The following ACSF2 variants were observed in gnomAD, a reference collection of about 807,000 sequenced individuals.
ACSF2 encodes the protein acyl-CoA synthetase family member 2.
Under a neutral mutation model 79.3 loss-of-function variants are expected in ACSF2, and 52 were observed. The ratio of observed to expected loss-of-function variants is 0.66; its 90% CI spans 0.53 to 0.83. The LOEUF (loss-of-function observed/expected upper bound fraction) is 0.83, where lower values mean the gene tolerates loss of function less well. ACSF2 is among the 40% of genes least tolerant of loss of function. The pLI is 0.00. For missense variants in ACSF2, 661 were observed against 803.3 expected, an observed-to-expected ratio of 0.82 and a Z score of 2.14; for synonymous variants, 283 against 312.6, an observed-to-expected ratio of 0.91 and a Z score of 1.00.
chr17:50,473,840 C>G, intron 13 of ACSF2, 34 bp downstream of exon 13: 1 of 1,613,420 alleles, frequency 6.2e-7, no homozygotes, highest in Non-Finnish European at 8.5e-7. Flanking sequence ...CCCCCAGAAA[C>G]AAGAAACACA....
intron 1 of ACSF2, among the ~76,000 whole-genome samples, chr17:50,449,350 C>T (rs2031512025): frequency 6.7e-6 from 1 of 149,438 alleles, no homozygotes; most frequent in Non-Finnish European, 1.5e-5. Flanking sequence ...GCTTCTTTCA[C>T]TTATAAATGT....
rs1290927346 is a variant in ACSF2, at chr17:50,463,807, C to T, written c.1047-11C>T. 1.9e-6 allele frequency: 3 copies of T among 1,613,212 alleles called. No individual in the cohort carries two copies. The highest frequency in any genetic ancestry group is 3.3e-5 in the Admixed American group (2 of 59,992). Reference sequence around the variant, plus strand: ...CTTCCAAGCCTAATTTCGAGACCTCCTCCTATACAGAGGCACCTTCCTGTA... The same window carrying T: ...CTTCCAAGCCTAATTTCGAGACCTCTTCCTATACAGAGGCACCTTCCTGTA... On this transcript the variant is annotated splice_polypyrimidine_tract_variant and intron_variant, in intron 8 of 15. Coordinates refer to ENST00000300441, the MANE Select transcript of ACSF2 (RefSeq NM_025149.6). This position sits in a 1 kb window ranked among gnomAD's most constrained non-coding sequence, Gnocchi z 4.6.
chr17:50,468,631 G>T, intron 10 of ACSF2: 1 of 1,614,252 alleles, frequency 6.2e-7, no homozygotes, highest in Non-Finnish European at 8.5e-7. Context: ...CCGGGAAGTT[G>T]TTGCGCTGTA....
chr17:50,462,621 GA>G, intron 6 of ACSF2, 36 bp downstream of exon 6: 1 of 1,602,044 alleles, frequency 6.2e-7, no homozygotes, highest in Non-Finnish European at 8.5e-7. Context: ...AGCCCAGATG[GA>G]CACATGCCCC....
chr17:50,465,687 T>C (rs373690628), intron 10 of ACSF2: 22 of 1,610,172 alleles, frequency 1.4e-5, no homozygotes, highest in Non-Finnish European at 1.8e-5. Flanking sequence ...GCTCTGGGAG[T>C]GACATGGAAG....
intron 1 of ACSF2, among the ~76,000 whole-genome samples, chr17:50,459,726 C>A (rs1307458353): frequency 6.6e-6 from 1 of 152,076 alleles, no homozygotes; most frequent in African/African-American, 2.4e-5. Flanking sequence ...TTACTACTCC[C>A]GTGACTGCCC....
rs182270758 is a variant in ACSF2 at position 50,426,316 on chromosome 17, G to T, written c.55G>T (p.Gly19Trp). The T allele has an allele frequency of 4.7e-3, 6,590 of 1,415,522 alleles. 222 individuals are homozygous for T. In the African/African-American group the frequency reaches 0.08, roughly 17 times the overall value. The allele number at this position is 1,415,522 out of a possible 1,614,324, so 87.7% of individuals were successfully genotyped here. Residue 19 changes from glycine to tryptophan, a missense_variant, in exon 1 of 16, where the codon GGG (glycine) becomes TGG (tryptophan). Transcript: ENST00000300441. ...GGGGAGGCTGTGCGCCGGGAGCTCG[G>T]GGGTGCTGGGGGCCCGGGCCGCCCT... ...RLGRLCAGSS[G>W]VLGARAALSR...
Position 50,462,226 on chromosome 17 carries a change from C to T in ACSF2, c.550C>T (p.Gln184Ter). 6.2e-7 allele frequency: 1 copy of T among 1,614,042 alleles called. No homozygotes were observed. Among genetic ancestry groups the T allele is most frequent in the Non-Finnish European group, 8.5e-7 (1 of 1,180,006 alleles). ...TGTGTTCCCCAAGCAATTCAAGACCCAGCAATACTACAACGTCCTGAAGCA... is the reference window on the plus strand; with the variant it reads ...TGTGTTCCCCAAGCAATTCAAGACCTAGCAATACTACAACGTCCTGAAGCA... ...ALVFPKQFKT[Q>*]QYYNVLKQIC... Residue 184 changes from glutamine (Q) to a stop codon, truncating the protein, a stop_gained, in exon 5 of 16, where the codon CAG becomes TAG. Coordinates refer to ENST00000300441, the MANE Select transcript of ACSF2 (RefSeq NM_025149.6). LOFTEE classifies it high-confidence loss of function.
chr17:50,461,324 C>G lies in ACSF2; in HGVS notation c.407C>G (p.Ala136Gly). ...RLGMWGPNSY[A>G]WVLMQLATAQ... ...GGCATGTGGGGACCTAACTCCTATG[C>G]ATGGGTGCTCATGCAGTTGGCCACC... The change falls in exon 3 of 16, where the codon GCA (alanine) becomes GGA (glycine). Residue 136 changes from alanine to glycine, a missense_variant. By Grantham distance (60) the Ala-to-Gly change is moderately conservative. Coordinates refer to ENST00000300441, the MANE Select transcript of ACSF2 (RefSeq NM_025149.6). 6.2e-7 allele frequency: 1 copy of G among 1,614,160 alleles called. No homozygotes were observed. Among genetic ancestry groups the G allele is most frequent in the Non-Finnish European group, 8.5e-7 (1 of 1,180,024 alleles).
In ACSF2 at chr17:50,474,016, CG is replaced by C; in HGVS notation, c.1728+13del. The C allele has an allele frequency of 6.6e-7, 1 of 1,519,740 alleles. No individual in the cohort carries two copies. The highest frequency in any genetic ancestry group is 8.8e-7 in the Non-Finnish European group (1 of 1,133,088). 94.1% of individuals were successfully genotyped at this position (1,519,740 alleles called of 1,614,324 possible). A position where few individuals can be genotyped will look rare whatever the true frequency, so the allele number is the denominator to read the frequency against. On this transcript the variant is annotated intron_variant, in intron 14 of 15. Coordinates refer to ENST00000300441, the MANE Select transcript of ACSF2 (RefSeq NM_025149.6). The surrounding 1 kb of genome is among the most constrained non-coding windows in gnomAD (Gnocchi z 4.2). ...TCTGCAAAGGGAAGGTGGGAGCCTC[CG>C]CTCAACCTAGCTGATGCTGCTCTGT...
intron 11 of ACSF2, 55 bp from the exon 12 acceptor site, chr17:50,472,373 A>C: frequency 6.3e-7 from 1 of 1,580,222 alleles, no homozygotes; most frequent in South Asian, 1.2e-5. Flanking sequence ...TCCAAGGACC[A>C]CCTATCCTGA....
chr17:50,437,769 G>A (rs550615675), intron 1 of ACSF2, among the ~76,000 whole-genome samples: 7 of 152,212 alleles, frequency 4.6e-5, no homozygotes, highest in African/African-American at 1.4e-4. Context: ...ACCCTTAGTA[G>A]GAGATCATCA....
At chr17:50,433,056 A>C (rs2030074435) in intron 1 of ACSF2, among the ~76,000 whole-genome samples, 1 of 151,918 alleles carries the variant, frequency 6.6e-6, no homozygotes, top group African/African-American at 2.4e-5. Context: ...AGAAGCATCA[A>C]GTTTTGTTTT....
Position 50,460,704 on chromosome 17 carries a change from C to T in ACSF2, c.156C>T (p.Ser52=). ...LSSREVDRMV[S]TPIGGLSYVQ... ...CCAGAGAGGTGGATCGCATGGTCTCCACGCCCATCGGAGGCCTCAGCTACG... is the reference window on the plus strand; with the variant it reads ...CCAGAGAGGTGGATCGCATGGTCTCTACGCCCATCGGAGGCCTCAGCTACG... Residue 52 remains serine, a synonymous_variant, in exon 2 of 16, where the codon TCC becomes TCT. Coordinates refer to ENST00000300441, the MANE Select transcript of ACSF2 (RefSeq NM_025149.6). 1 of 1,612,936 alleles carries T rather than the reference C, an allele frequency of 6.2e-7. No homozygotes were observed. The highest frequency in any genetic ancestry group is 8.5e-7 in the Non-Finnish European group (1 of 1,179,494).
At chr17:50,465,995 G>T in intron 10 of ACSF2, 3 of 993,108 alleles carry the variant, frequency 3.0e-6, no homozygotes, top group Non-Finnish European at 4.5e-6. Flanking sequence ...GAGTTTCCCA[G>T]TTTTCAAAGC....
chr17:50,439,912 T>A (rs2030756437), intron 1 of ACSF2, among the ~76,000 whole-genome samples: 2 of 152,364 alleles, frequency 1.3e-5, no homozygotes, highest in South Asian at 4.1e-4. Flanking sequence ...TTAAAATGTT[T>A]ATTGGTAATG....
intron 1 of ACSF2, among the ~76,000 whole-genome samples, chr17:50,451,553 G>A (rs774006733): frequency 3.9e-5 from 6 of 152,134 alleles, no homozygotes; most frequent in Non-Finnish European, 7.3e-5. Context: ...AGGTTCAAGC[G>A]ATTCTCCTGC....
chr17:50,435,840 A>C (rs1179675220), intron 1 of ACSF2, among the ~76,000 whole-genome samples: 1 of 148,716 alleles, frequency 6.7e-6, no homozygotes, highest in South Asian at 2.2e-4. Context: ...CTGGTCTCCA[A>C]CTCCTCGGTT....
At chr17:50,437,655 CAA>C (rs796307844) in intron 1 of ACSF2, among the ~76,000 whole-genome samples, 5 of 139,634 alleles carry the variant, frequency 3.6e-5, no homozygotes, top group Non-Finnish European at 3.1e-5. Context: ...GACCCTGTCT[CAA>C]AAAAAAAAAA....
Sources: gnomAD v4.1 joint callset for allele counts (sites outside exome capture counted in the v4.1 genomes callset) on GRCh38, gnomAD v4.1.1 for gene constraint, Gnocchi (gnomAD v3.1) non-coding constraint, MANE v1.5 for transcripts, NCBI Gene and HGNC (gene_info 2026-07-23, HGNC 2026-07-21) for gene names.